Variants in AFDN observed in about 807,000 individuals in gnomAD.
AFDN encodes the protein afadin, adherens junction formation factor.
In AFDN, 68 loss-of-function variants were observed where a neutral mutation model predicts 216.6. The observed-to-expected ratio is 0.31, with a 90% confidence interval of 0.26 to 0.38. The LOEUF (loss-of-function observed/expected upper bound fraction) is 0.38, where lower values mean the gene tolerates loss of function less well. AFDN is among the 10% of genes least tolerant of loss of function. AFDN has a pLI of 1.00. For synonymous variants in AFDN, 868 were observed against 853.7 expected (o/e 1.02, Z -0.29); for missense variants, 2,136 against 2,342.0 (o/e 0.91, Z 1.82).
intron 2 of AFDN, among the ~76,000 whole-genome samples, chr6:167,869,584 C>T (rs890357028): frequency 5.9e-5 from 9 of 152,134 alleles, no homozygotes; most frequent in African/African-American, 2.2e-4. Context: ...GCTCCTGCTT[C>T]CTTAGTGTTC....
intron 12 of AFDN, among the ~76,000 whole-genome samples, chr6:167,903,159 T>G (rs1789204907): frequency 6.6e-6 from 1 of 152,350 alleles, no homozygotes; most frequent in Middle Eastern, 3.4e-3. Context: ...ATTTTCATTC[T>G]CTATTACTGG....
intron 2 of AFDN, 39 bp from the exon 3 acceptor site, chr6:167,870,347 C>A: frequency 7.6e-7 from 1 of 1,315,158 alleles, no homozygotes; most frequent in South Asian, 1.4e-5. Context: ...ATGAAATAAC[C>A]ATAGCTTATT....
At chr6:167,897,924 G>A (rs571512420) in intron 10 of AFDN, among the ~76,000 whole-genome samples, 5 of 152,132 alleles carry the variant, frequency 3.3e-5, no homozygotes, top group African/African-American at 9.6e-5. Flanking sequence ...GATTACAGGC[G>A]TGAGCCACCG....
At chr6:167,860,689 GC>G (rs1223202169) in intron 1 of AFDN, among the ~76,000 whole-genome samples, 1 of 152,144 alleles carries the variant, frequency 6.6e-6, no homozygotes, top group Non-Finnish European at 1.5e-5. Flanking sequence ...TCCTGTTGCA[GC>G]CCCCCAGATG....
At chr6:167,869,241 G>A (rs896994320) in intron 2 of AFDN, among the ~76,000 whole-genome samples, 5 of 151,956 alleles carry the variant, frequency 3.3e-5, no homozygotes, top group African/African-American at 4.8e-5. Flanking sequence ...TTTATTTTAT[G>A]GTGAATTTTA....
chr6:167,851,363 A>G (rs1183728606), intron 1 of AFDN, among the ~76,000 whole-genome samples: 1 of 152,082 alleles, frequency 6.6e-6, no homozygotes, highest in African/African-American at 2.4e-5. Context: ...TGTACTGATT[A>G]TTTTATCAAC....
intron 1 of AFDN, among the ~76,000 whole-genome samples, chr6:167,829,900 A>G (rs1281359649): frequency 6.6e-6 from 1 of 152,078 alleles, no homozygotes; most frequent in Admixed American, 6.5e-5. Flanking sequence ...TTTCCTTTGT[A>G]TTCACATTTG....
At position 167,963,648 on chromosome 6, in the gene AFDN, A is replaced by G. The variant is rs1236206888; in HGVS notation, c.4968+1081A>G. 5 of 1,060,236 alleles carry G rather than the reference A, an allele frequency of 4.7e-6. No homozygotes were observed. The South Asian group carries it at 2.3e-4, about 48-fold the overall frequency. The allele number at this position is 1,060,236 out of a possible 1,614,324, so 65.7% of individuals were successfully genotyped here. Reference sequence around the variant, plus strand: ...CTCTGTTGAAATTGGTGATTTCTGCATTTTGTAGACCTTTGCCCTCTAAGT... The same window carrying G: ...CTCTGTTGAAATTGGTGATTTCTGCGTTTTGTAGACCTTTGCCCTCTAAGT... On this transcript the variant is annotated intron_variant, in intron 31 of 33. Transcript: ENST00000683244.
In AFDN at chr6:167,922,851, C is replaced by T; in HGVS notation, c.2909-5C>T. On this transcript the variant is annotated splice_region_variant and splice_polypyrimidine_tract_variant and intron_variant, in intron 21 of 33. Transcript: ENST00000683244. ...TCACTTACAATTTGCTTGTTTCCTC[C>T]TTAGGATTTTGCAGGTTAATTCCTC... The T allele has an allele frequency of 6.3e-7, 1 of 1,598,804 alleles. No homozygotes were observed. The highest frequency in any genetic ancestry group is 1.1e-5 in the South Asian group (1 of 89,342).
intron 10 of AFDN, among the ~76,000 whole-genome samples, chr6:167,897,663 T>TTTTTG (rs1788443383): frequency 1.8e-5 from 2 of 110,944 alleles, no homozygotes; most frequent in African/African-American, 2.9e-5. Context: ...TTTTTTTTTT[T>TTTTTG]TTTTGAGACA....
chr6:167,877,895 C>T (rs1198463494), intron 5 of AFDN, among the ~76,000 whole-genome samples: 1 of 152,058 alleles, frequency 6.6e-6, no homozygotes, highest in Non-Finnish European at 1.5e-5. Flanking sequence ...TTAAACTCAC[C>T]TCACAGCTGA....
At chr6:167,878,586 A>C (rs1286963688) in intron 5 of AFDN, among the ~76,000 whole-genome samples, 3 of 139,528 alleles carry the variant, frequency 2.2e-5, no homozygotes, top group Non-Finnish European at 4.7e-5. Flanking sequence ...ACACACACCC[A>C]CTCTCTCTCT....
chr6:167,913,448 C>G, intron 16 of AFDN, 25 bp downstream of exon 16: 1 of 1,535,268 alleles, frequency 6.5e-7, no homozygotes, highest in Non-Finnish European at 8.7e-7. Context: ...GGGAGCTGAT[C>G]CTAGCTGTGT....
At chr6:167,931,073 C>G (rs952768091) in intron 23 of AFDN, among the ~76,000 whole-genome samples, 1 of 152,222 alleles carries the variant, frequency 6.6e-6, no homozygotes, top group South Asian at 2.1e-4. Context: ...ACAGACACCC[C>G]GTGAAGGCGG....
chr6:167,971,343 AAG>A lies in AFDN; in HGVS notation c.*1413_*1414del, dbSNP rs779753208. The A allele has an allele frequency of 5.1e-5, 11 of 214,050 alleles. No individual in the cohort carries two copies. Among genetic ancestry groups the A allele is most frequent in the East Asian group, 1.4e-4 (2 of 14,138 alleles). The allele number at this position is 214,050 out of a possible 1,614,324, so 13.3% of individuals were successfully genotyped here. A position where few individuals can be genotyped will look rare whatever the true frequency, so the allele number is the denominator to read the frequency against. ...TGTTAGGAAAATAGGCACACTTTCA[AAG>A]AGAGGTATAGGGGCTTTTTACTGCC... On this transcript the variant is annotated 3_prime_UTR_variant, in exon 34 of 34. Coordinates refer to ENST00000683244, the MANE Select transcript of AFDN (RefSeq NM_001386888.1).
At chr6:167,865,896 C>G (rs1391861085) in intron 2 of AFDN, among the ~76,000 whole-genome samples, 1 of 151,028 alleles carries the variant, frequency 6.6e-6, no homozygotes, top group Non-Finnish European at 1.5e-5. Context: ...TGACTAAATC[C>G]TTTTTCCCTC....
chr6:167,885,909 T>C (rs1786739692), intron 6 of AFDN, among the ~76,000 whole-genome samples: 1 of 152,176 alleles, frequency 6.6e-6, no homozygotes, highest in Non-Finnish European at 1.5e-5. Flanking sequence ...TGTGTATATG[T>C]TTACATGAGC....
intron 8 of AFDN, among the ~76,000 whole-genome samples, chr6:167,891,408 G>GTGT (rs1562619712): frequency 0.12 from 8,854 of 71,878 alleles, 288 homozygotes; most frequent in Middle Eastern, 0.2. Flanking sequence ...TAAAGGGGTG[G>GTGT]GTGTGTGTGT....
chr6:167,904,939 C>T (rs183104310), intron 12 of AFDN, among the ~76,000 whole-genome samples: 5 of 152,360 alleles, frequency 3.3e-5, no homozygotes, highest in Non-Finnish European at 4.4e-5. Context: ...CTGACTTGCT[C>T]AGCCCCTATG....
Sources: gnomAD v4.1 joint callset for allele counts (sites outside exome capture counted in the v4.1 genomes callset) on GRCh38, gnomAD v4.1.1 for gene constraint, MANE v1.5 for transcripts, NCBI Gene and HGNC (gene_info 2026-07-23, HGNC 2026-07-21) for gene names.